Variants in ZFAND3 observed in about 807,000 individuals in gnomAD.
The protein encoded by ZFAND3 is zinc finger AN1-type containing 3.
In ZFAND3, 10 loss-of-function variants were observed where a neutral mutation model predicts 29.6. That is an observed-to-expected ratio of 0.34 (90% CI 0.21 to 0.57). ZFAND3 has a LOEUF of 0.57. Among genes scored for constraint, ZFAND3 ranks in the 20% least tolerant of loss-of-function variants. The pLI, the probability that ZFAND3 is intolerant of heterozygous loss-of-function variation, is 0.86. For missense variants in ZFAND3, 230 were observed against 304.5 expected (o/e 0.76, Z 1.82); for synonymous variants, 128 against 112.6 (o/e 1.14, Z -0.87).
At chr6:37,832,733 G>A (rs576646919) in intron 1 of ZFAND3, among the ~76,000 whole-genome samples, 2 of 152,174 alleles carry the variant, frequency 1.3e-5, no homozygotes, top group Non-Finnish European at 2.9e-5. Context: ...CTAGAGTGCA[G>A]TGACAGGATC....
rs564806695 is a variant in ZFAND3, at chr6:37,872,304, C to A, written c.71+52288C>A. Among the ~76,000 whole-genome samples, 11 of 152,256 alleles carry A rather than the reference C, an allele frequency of 7.2e-5. No homozygotes were observed. The South Asian group carries it at 2.3e-3, about 32-fold the overall frequency. On this transcript the variant is annotated intron_variant, in intron 1 of 5. Transcript: ENST00000287218. ...GGTTTTGATTGCTGTTCAGCGCCTTCAGGTAGTTACTTTTTATGTTTTGTC... is the reference window on the plus strand; with the variant it reads ...GGTTTTGATTGCTGTTCAGCGCCTTAAGGTAGTTACTTTTTATGTTTTGTC...
chr6:37,996,923 A>G lies in ZFAND3; in HGVS notation c.113-64670A>G, dbSNP rs143706625. On this transcript the variant is annotated intron_variant, in intron 2 of 5. Coordinates refer to ENST00000287218, the MANE Select transcript of ZFAND3 (RefSeq NM_021943.3). ...ATTGTTTTGGTTGTTTCAGTTTTTCATTATTATACATAACATAGTAATGAA... is the reference window on the plus strand; with the variant it reads ...ATTGTTTTGGTTGTTTCAGTTTTTCGTTATTATACATAACATAGTAATGAA... Among the ~76,000 whole-genome samples the G allele has an allele frequency of 2.4e-4, 37 of 152,144 alleles. No homozygotes were observed. In the East Asian group the frequency reaches 4.4e-3, roughly 18 times the overall value.
chr6:37,905,209 A>G (rs1476912483), intron 1 of ZFAND3, among the ~76,000 whole-genome samples: 3 of 152,104 alleles, frequency 2.0e-5, no homozygotes, highest in African/African-American at 7.2e-5. Flanking sequence ...CAAAATATAA[A>G]TTTTACTTTC....
chr6:37,975,591 T>TA (rs1184958379), intron 2 of ZFAND3, among the ~76,000 whole-genome samples: 1 of 152,196 alleles, frequency 6.6e-6, no homozygotes, highest in East Asian at 1.9e-4. Context: ...TTATATATGA[T>TA]ATGGAGGTAT....
intron 2 of ZFAND3, among the ~76,000 whole-genome samples, chr6:37,993,384 T>C (rs2127436372): frequency 6.6e-6 from 1 of 152,168 alleles, no homozygotes; most frequent in Non-Finnish European, 1.5e-5. Flanking sequence ...TGGAGCGCAG[T>C]GGCGTGATCT....
At chr6:37,907,158 A>G (rs965085317) in intron 1 of ZFAND3, among the ~76,000 whole-genome samples, 5 of 152,006 alleles carry the variant, frequency 3.3e-5, no homozygotes, top group Admixed American at 6.6e-5. Context: ...TATCAGATTT[A>G]TTCCTTTCCA....
rs188919120 is a variant in ZFAND3, at chr6:37,935,246, C to T, written c.112+5247C>T. Among the ~76,000 whole-genome samples, 13 of 152,292 alleles carry T rather than the reference C, an allele frequency of 8.5e-5. No individual in the cohort carries two copies. The East Asian group carries it at 2.3e-3, about 27-fold the overall frequency. On this transcript the variant is annotated intron_variant, in intron 2 of 5. Coordinates refer to ENST00000287218, the MANE Select transcript of ZFAND3 (RefSeq NM_021943.3). ...GTAAGCACCCTGGGACATGAGTTAT[C>T]AATTGATTTTGCCACAAATCTTTCC...
intron 3 of ZFAND3, among the ~76,000 whole-genome samples, chr6:38,076,304 CTT>C (rs1463218510): frequency 1.3e-5 from 2 of 152,038 alleles, no homozygotes; most frequent in Non-Finnish European, 2.9e-5. Flanking sequence ...ATAAATATAA[CTT>C]TTATATTCAT....
rs75585482 is a variant in ZFAND3 at position 38,105,613 on chromosome 6, C to T, written c.362-10959C>T. Among the ~76,000 whole-genome samples the T allele has an allele frequency of 4.2e-3, 642 of 152,084 alleles. 17 individuals carry two copies. Among genetic ancestry groups the T allele is most frequent in the Admixed American group, 0.03 (464 of 15,286 alleles). ...AGGGCAATAAGAAGAATCCTTGTGGCGATGGGAATGTTGTATGTCTTGATG... is the reference window on the plus strand; with the variant it reads ...AGGGCAATAAGAAGAATCCTTGTGGTGATGGGAATGTTGTATGTCTTGATG... On this transcript the variant is annotated intron_variant, in intron 4 of 5. Transcript: ENST00000287218.
At chr6:38,064,022 C>T (rs905400065) in intron 3 of ZFAND3, among the ~76,000 whole-genome samples, 1 of 151,748 alleles carries the variant, frequency 6.6e-6, no homozygotes, top group Admixed American at 6.6e-5. Flanking sequence ...TTTAAAAAAT[C>T]TTTTCAAGAT....
chr6:37,995,809 T>C (rs1265500446), intron 2 of ZFAND3, among the ~76,000 whole-genome samples: 1 of 152,074 alleles, frequency 6.6e-6, no homozygotes, highest in East Asian at 1.9e-4. Flanking sequence ...ATTCTAAATA[T>C]AAAAATTTTA....
At chr6:38,012,836 T>G (rs920203848) in intron 2 of ZFAND3, among the ~76,000 whole-genome samples, 1 of 152,196 alleles carries the variant, frequency 6.6e-6, no homozygotes, top group Non-Finnish European at 1.5e-5. Context: ...CTTCAGTTGA[T>G]CCTCTTAAGT....
chr6:38,047,001 T>G (rs753505154), intron 2 of ZFAND3, among the ~76,000 whole-genome samples: 5 of 152,072 alleles, frequency 3.3e-5, no homozygotes, highest in Non-Finnish European at 7.4e-5. Context: ...TGATCTAGTA[T>G]TATAATTAGT....
intron 5 of ZFAND3, among the ~76,000 whole-genome samples, chr6:38,122,413 A>G (rs1765553234): frequency 6.6e-6 from 1 of 152,126 alleles, no homozygotes; most frequent in Non-Finnish European, 1.5e-5. Context: ...TACATTTTTG[A>G]TCTGTGGTCG....
At chr6:38,000,408 G>C (rs1045968337) in intron 2 of ZFAND3, among the ~76,000 whole-genome samples, 1 of 152,120 alleles carries the variant, frequency 6.6e-6, no homozygotes, top group Non-Finnish European at 1.5e-5. Context: ...CCCAAGACAG[G>C]GTAATTTATA....
intron 5 of ZFAND3, among the ~76,000 whole-genome samples, chr6:38,123,297 A>G (rs73730897): frequency 0.033 from 4,973 of 152,306 alleles, 219 homozygotes; most frequent in African/African-American, 0.096. Flanking sequence ...ATTAGGACAC[A>G]TGTTGGGGAC....
At chr6:38,124,664 C>T (rs1022111566) in intron 5 of ZFAND3, among the ~76,000 whole-genome samples, 12 of 152,168 alleles carry the variant, frequency 7.9e-5, no homozygotes, top group Admixed American at 2.0e-4. Context: ...GGCCCATAAG[C>T]GCCGCGCGCA....
At chr6:38,017,409 T>TA (rs1442651484) in intron 2 of ZFAND3, among the ~76,000 whole-genome samples, 1 of 152,216 alleles carries the variant, frequency 6.6e-6, no homozygotes, top group African/African-American at 2.4e-5. Flanking sequence ...TATTTGAAGC[T>TA]AGTTATTAGT....
chr6:38,136,286 T>A (rs897703429), intron 5 of ZFAND3, among the ~76,000 whole-genome samples: 104 of 152,326 alleles, frequency 6.8e-4, no homozygotes, highest in African/African-American at 2.3e-3. Context: ...CAAGGAAGAT[T>A]ACAGGGAATG....
Sources: gnomAD v4.1 joint callset for allele counts (sites outside exome capture counted in the v4.1 genomes callset) on GRCh38, gnomAD v4.1.1 for gene constraint, MANE v1.5 for transcripts, NCBI Gene and HGNC (gene_info 2026-07-23, HGNC 2026-07-21) for gene names.